The following PCDH11X variants were observed in gnomAD, a reference collection of about 807,000 sequenced individuals.
The protein encoded by PCDH11X is protocadherin-11 X-linked.
PCDH11X carries 18 observed loss-of-function variants against 53.3 expected under a neutral mutation model. The observed-to-expected ratio is 0.34, with a 90% CI of 0.23 to 0.50. The LOEUF is 0.50. Among genes scored for constraint, PCDH11X ranks in the 20% least tolerant of loss-of-function variants. The pLI, the probability that PCDH11X is intolerant of heterozygous loss-of-function variation, is 0.98. For missense variants in PCDH11X, 570 were observed against 1,032.4 expected, an observed-to-expected ratio of 0.55 and a Z score of 6.14; for synonymous variants, 279 against 393.3, an observed-to-expected ratio of 0.71 and a Z score of 3.44.
chrX:91,919,180 T>C (rs758060848), intron 6 of PCDH11X, among the ~76,000 whole-genome samples: 1 of 111,508 alleles, frequency 9.0e-6, no homozygotes, highest in South Asian at 3.8e-4. Flanking sequence ...TTTGTTTCTA[T>C]AAGAGATAGC....
At chrX:91,829,499 C>T (rs2147605851) in intron 4 of PCDH11X, among the ~76,000 whole-genome samples, 1 of 109,045 alleles carries the variant, frequency 9.2e-6, no homozygotes, top group South Asian at 4.0e-4. Context: ...CTAAAATTGT[C>T]ATGCCTGAAC....
intron 6 of PCDH11X, among the ~76,000 whole-genome samples, chrX:92,119,494 G>A (rs1196399271): frequency 9.0e-6 from 1 of 110,528 alleles, no homozygotes; most frequent in East Asian, 2.8e-4. Flanking sequence ...CATACTTTTT[G>A]AAGTACATTA....
At chrX:91,876,707 T>C (rs1380243914) in intron 5 of PCDH11X, 74 bp from the exon 6 acceptor site, 3 of 929,221 alleles carry the variant, frequency 3.2e-6, no homozygotes, top group Non-Finnish European at 4.1e-6. Context: ...AATTATATTT[T>C]ATTATTCATA....
intron 6 of PCDH11X, among the ~76,000 whole-genome samples, chrX:92,138,491 A>C (rs1340068725): frequency 1.8e-5 from 2 of 110,374 alleles, no homozygotes; most frequent in African/African-American, 3.4e-5. Context: ...CTTTAAAATT[A>C]AATATAAACA....
chrX:92,310,227 C>T (rs1420929844), intron 8 of PCDH11X, among the ~76,000 whole-genome samples: 1 of 112,176 alleles, frequency 8.9e-6, no homozygotes, highest in Non-Finnish European at 1.9e-5. Context: ...GGTTGAAATG[C>T]AGACCAGTAA....
At chrX:92,432,699 C>A (rs1475169814) in intron 9 of PCDH11X, among the ~76,000 whole-genome samples, 2 of 107,569 alleles carry the variant, frequency 1.9e-5, no homozygotes, top group Admixed American at 2.0e-4. Context: ...TATATGATAG[C>A]TAAATAAAGT....
intron 10 of PCDH11X, among the ~76,000 whole-genome samples, chrX:92,481,107 G>T (rs111589325): frequency 0.17 from 18,921 of 110,431 alleles, 1,686 homozygotes; most frequent in Middle Eastern, 0.26. Flanking sequence ...GAATGTGAGG[G>T]TCTGCTGTTC....
chrX:92,241,064 T>G (rs453810), intron 7 of PCDH11X, among the ~76,000 whole-genome samples: 64,067 of 109,884 alleles, frequency 0.58, 15,525 homozygotes, highest in Middle Eastern at 0.81. Context: ...TATATTCATT[T>G]GATGATGCAC....
chrX:92,590,771 T>C (rs1924952124), intron 10 of PCDH11X, among the ~76,000 whole-genome samples: 1 of 110,237 alleles, frequency 9.1e-6, no homozygotes, highest in Admixed American at 9.7e-5. Context: ...TGTGTGTTTG[T>C]ATTTGTGGAT....
chrX:91,985,010 G>C (rs36045629), intron 6 of PCDH11X, among the ~76,000 whole-genome samples: 9 of 111,282 alleles, frequency 8.1e-5, no homozygotes, highest in African/African-American at 2.9e-4. Flanking sequence ...CAACATCATC[G>C]CTAGGGCAGC....
chrX:92,147,980 C>T (rs868290255), intron 6 of PCDH11X, among the ~76,000 whole-genome samples: 6 of 78,571 alleles, frequency 7.6e-5, no homozygotes, highest in African/African-American at 4.4e-4. Context: ...TTCCTTCCTT[C>T]CTTCCTTTCT....
At chrX:92,230,483 T>C (rs1603216204) in intron 7 of PCDH11X, among the ~76,000 whole-genome samples, 1 of 92,473 alleles carries the variant, frequency 1.1e-5, no homozygotes, top group East Asian at 3.2e-4. Context: ...ATATAATATA[T>C]ATAAAATACA....
intron 6 of PCDH11X, among the ~76,000 whole-genome samples, chrX:92,011,483 G>A (rs774752874): frequency 8.9e-6 from 1 of 112,282 alleles, no homozygotes; most frequent in African/African-American, 3.2e-5. Flanking sequence ...TGTAAAATGT[G>A]TTTCAATTTT....
intron 5 of PCDH11X, among the ~76,000 whole-genome samples, chrX:91,870,154 G>T (rs1349486485): frequency 9.0e-6 from 1 of 111,424 alleles, no homozygotes; most frequent in African/African-American, 3.2e-5. Context: ...TGTTCTCGTG[G>T]ATATAACAAC....
chrX:92,107,741 C>T (rs2064416491), intron 6 of PCDH11X, among the ~76,000 whole-genome samples: 1 of 111,783 alleles, frequency 8.9e-6, no homozygotes, highest in Admixed American at 9.5e-5. Flanking sequence ...ATGTCTCATA[C>T]TTCCCTAAAA....
intron 6 of PCDH11X, among the ~76,000 whole-genome samples, chrX:91,917,988 C>A (rs1003395533): frequency 1.0e-5 from 1 of 100,030 alleles, no homozygotes; most frequent in African/African-American, 3.6e-5. Flanking sequence ...GCATGTAGAC[C>A]AACAGAACAG....
intron 5 of PCDH11X, among the ~76,000 whole-genome samples, chrX:91,847,183 C>T (rs1937725962): frequency 9.1e-6 from 1 of 110,207 alleles, no homozygotes; most frequent in Non-Finnish European, 1.9e-5. Flanking sequence ...GAGACAGGGT[C>T]TCACAGTGTT....
chrX:92,295,977 GGAGGCT>G (rs1245574775), intron 8 of PCDH11X, among the ~76,000 whole-genome samples: 1 of 109,560 alleles, frequency 9.1e-6, no homozygotes, highest in Non-Finnish European at 1.9e-5. Flanking sequence ...AAGCTACTTG[GGAGGCT>G]GAGGCAGGAG....
At chrX:91,807,339 G>A (rs976516038) in intron 1 of PCDH11X, among the ~76,000 whole-genome samples, 8 of 110,682 alleles carry the variant, frequency 7.2e-5, no homozygotes, top group African/African-American at 2.0e-4. Flanking sequence ...AGCGAAAACC[G>A]TGTCTCTAAA....
Sources: gnomAD v4.1 joint callset for allele counts (sites outside exome capture counted in the v4.1 genomes callset) on GRCh38, gnomAD v4.1.1 for gene constraint, MANE v1.5 for transcripts, NCBI Gene and HGNC (gene_info 2026-07-23, HGNC 2026-07-21) for gene names.